EGFLAM: variants seen among roughly 807,000 people sequenced by gnomAD.
EGFLAM encodes EGF like, fibronectin type III and laminin G domains.
Under a neutral mutation model 113.1 loss-of-function variants are expected in EGFLAM, and 79 were observed. That is an observed-to-expected ratio of 0.70 (90% CI 0.58 to 0.84). The LOEUF is 0.84. Among genes scored for constraint, EGFLAM ranks in the 40% least tolerant of loss-of-function variants. The pLI is 0.00. For synonymous variants in EGFLAM, 504 were observed against 487.6 expected (o/e 1.03, Z -0.44); for missense variants, 1,265 against 1,291.6 (o/e 0.98, Z 0.32).
chr5:38,349,773 GCACACACACACACA>G (rs57785664), intron 3 of EGFLAM, among the ~76,000 whole-genome samples: 2 of 131,040 alleles, frequency 1.5e-5, no homozygotes, highest in East Asian at 4.5e-4. Context: ...AAGTACACAC[GCACACACACACACA>G]CACACACACA....
chr5:38,266,160 C>T (rs917885607), intron 1 of EGFLAM, among the ~76,000 whole-genome samples: 1 of 152,164 alleles, frequency 6.6e-6, no homozygotes, highest in Non-Finnish European at 1.5e-5. Flanking sequence ...CCTTACCTCC[C>T]TCACCCCCAA....
Position 38,412,582 on chromosome 5 carries a change from C to T in EGFLAM, c.1428C>T (p.Leu476=), listed in dbSNP as rs1457440813. ...IKLGGWHTVM[L]YRDGLNGLLQ... ...TAGGGGGTTGGCACACGGTTATGCT[C>T]TACAGAGATGGGCTGAACGGGCTGC... Residue 476 remains leucine, a synonymous_variant, in exon 11 of 22, where the codon CTC becomes CTT. Transcript: ENST00000322350. The T allele has an allele frequency of 6.2e-7, 1 of 1,614,050 alleles. No homozygotes were observed. The highest frequency in any genetic ancestry group is 8.5e-7 in the Non-Finnish European group (1 of 1,180,044).
chr5:38,447,821 A>C (rs1359182188), intron 17 of EGFLAM, among the ~76,000 whole-genome samples: 1 of 152,076 alleles, frequency 6.6e-6, no homozygotes, highest in Non-Finnish European at 1.5e-5. Flanking sequence ...GCGGGAGTCC[A>C]AGCCTCATTC....
At chr5:38,356,299 T>C (rs1739760266) in intron 5 of EGFLAM, among the ~76,000 whole-genome samples, 1 of 152,188 alleles carries the variant, frequency 6.6e-6, no homozygotes. Context: ...AGTCAAGTTA[T>C]CCTTTCTCAG....
chr5:38,289,274 C>T (rs548549100), intron 1 of EGFLAM, among the ~76,000 whole-genome samples: 2 of 148,846 alleles, frequency 1.3e-5, no homozygotes, highest in African/African-American at 5.0e-5. Flanking sequence ...TTTCTTTCCC[C>T]GCCCCCACAT....
Position 38,438,330 on chromosome 5 carries a change from A to C in EGFLAM, c.2339A>C (p.Asn780Thr). 5 of 1,614,120 alleles carry C rather than the reference A, an allele frequency of 3.1e-6. No individual in the cohort carries two copies. Among genetic ancestry groups the C allele is most frequent in the Non-Finnish European group, 4.2e-6 (5 of 1,180,000 alleles). ...HVKHDFTSGV[N>T]VENAAHPCVR... ...AAGCATGACTTCACCTCCGGAGTGAATGTGGAGAATGCGGCCCACCCCTGT... is the reference window on the plus strand; with the variant it reads ...AAGCATGACTTCACCTCCGGAGTGACTGTGGAGAATGCGGCCCACCCCTGT... Residue 780 changes from asparagine to threonine, a missense_variant, in exon 17 of 22, where the codon AAT (asparagine) becomes ACT (threonine). Asn to Thr is a moderately conservative substitution (Grantham distance 65). Transcript: ENST00000322350.
At chr5:38,397,889 C>A (rs1487775154) in intron 6 of EGFLAM, among the ~76,000 whole-genome samples, 1 of 152,222 alleles carries the variant, frequency 6.6e-6, no homozygotes, top group East Asian at 1.9e-4. Flanking sequence ...GTTAAAATAT[C>A]TACCTTATCT....
At chr5:38,445,944 C>T (rs1221474740) in intron 17 of EGFLAM, among the ~76,000 whole-genome samples, 2 of 152,096 alleles carry the variant, frequency 1.3e-5, no homozygotes, top group Admixed American at 1.3e-4. Flanking sequence ...GTGTGGCAGG[C>T]ACGTCCCAAC....
chr5:38,375,321 G>T (rs547517358), intron 6 of EGFLAM, among the ~76,000 whole-genome samples: 1 of 152,272 alleles, frequency 6.6e-6, no homozygotes, highest in Admixed American at 6.5e-5. Flanking sequence ...CTCTCCACTT[G>T]TGAGGTCAGA....
chr5:38,291,334 T>C (rs1758325326), intron 1 of EGFLAM, among the ~76,000 whole-genome samples: 1 of 152,228 alleles, frequency 6.6e-6, no homozygotes. Context: ...TTGGCTGACC[T>C]TCCCAAAGGT....
chr5:38,413,870 C>T (rs563654230), intron 11 of EGFLAM, among the ~76,000 whole-genome samples: 6 of 152,314 alleles, frequency 3.9e-5, no homozygotes, highest in African/African-American at 1.2e-4. Context: ...GACCATCAGG[C>T]ATGGTTAGAG....
At chr5:38,280,841 C>G (rs1280725964) in intron 1 of EGFLAM, among the ~76,000 whole-genome samples, 1 of 152,174 alleles carries the variant, frequency 6.6e-6, no homozygotes, top group African/African-American at 2.4e-5. Context: ...TATGTTCCTC[C>G]TTAGGCATAA....
At chr5:38,418,331 A>G (rs1741721017) in intron 12 of EGFLAM, 76 bp downstream of exon 12, 1 of 1,534,218 alleles carries the variant, frequency 6.5e-7, no homozygotes. Context: ...GGCTTGGGCC[A>G]TGGAGGGAGC....
chr5:38,396,197 CT>C (rs1579865538), intron 6 of EGFLAM, among the ~76,000 whole-genome samples: 1 of 152,086 alleles, frequency 6.6e-6, no homozygotes, highest in African/African-American at 2.4e-5. Flanking sequence ...CATTAAATTT[CT>C]TTTCAAAAAG....
chr5:38,402,512 A>C (rs1004119010), intron 6 of EGFLAM, among the ~76,000 whole-genome samples: 2 of 152,212 alleles, frequency 1.3e-5, no homozygotes, highest in Non-Finnish European at 2.9e-5. Context: ...GGATCTTTCT[A>C]CCTCCACAGT....
intron 1 of EGFLAM, among the ~76,000 whole-genome samples, chr5:38,335,857 A>G (rs1739169005): frequency 6.6e-6 from 1 of 152,210 alleles, no homozygotes; most frequent in South Asian, 2.1e-4. Context: ...GTGAGTTGCA[A>G]AGTATCCTAA....
chr5:38,452,439 A>G (rs776434558), intron 19 of EGFLAM, among the ~76,000 whole-genome samples: 2 of 152,240 alleles, frequency 1.3e-5, no homozygotes, highest in Non-Finnish European at 2.9e-5. Context: ...TTGACCGTCT[A>G]GCCCTGTGAG....
intron 17 of EGFLAM, chr5:38,445,856 T>A: frequency 1.2e-6 from 1 of 849,498 alleles, no homozygotes; most frequent in South Asian, 1.4e-5. Flanking sequence ...AGGACACTTC[T>A]CTCCTGAGCT....
chr5:38,408,259 T>G (rs1741358143), intron 9 of EGFLAM, among the ~76,000 whole-genome samples: 1 of 152,200 alleles, frequency 6.6e-6, no homozygotes, highest in Non-Finnish European at 1.5e-5. Context: ...CAAAATTGTT[T>G]AAAAAGAGAG....
Sources: allele counts gnomAD v4.1 joint callset (sites outside exome capture counted in the v4.1 genomes callset), GRCh38; gene constraint gnomAD v4.1.1; transcripts MANE v1.5; gene names NCBI Gene and HGNC (gene_info 2026-07-23, HGNC 2026-07-21).